PDS5A: variants seen among roughly 807,000 people sequenced by gnomAD.
The protein encoded by PDS5A is PDS5 cohesin associated factor A.
Under a neutral mutation model 167.1 loss-of-function variants are expected in PDS5A, and 42 were observed. The observed-to-expected ratio is 0.25, with a 90% CI of 0.20 to 0.33. The LOEUF is 0.33. PDS5A is among the 10% of genes least tolerant of loss of function. The pLI, the probability that PDS5A is intolerant of heterozygous loss-of-function variation, is 1.00. For synonymous variants in PDS5A, 553 were observed against 554.6 expected (o/e 1.00, Z 0.04); for missense variants, 1,033 against 1,605.9 (o/e 0.64, Z 6.10).
intron 18 of PDS5A, 91 bp downstream of exon 18, chr4:39,879,637 T>G (rs1351780882): frequency 6.1e-6 from 4 of 652,964 alleles, no homozygotes; most frequent in African/African-American, 5.3e-5. Context: ...AATAGTTTCC[T>G]GTGAAATAAG....
At chr4:39,922,225 T>A (rs1448125402) in intron 6 of PDS5A, among the ~76,000 whole-genome samples, 1 of 152,148 alleles carries the variant, frequency 6.6e-6, no homozygotes, top group African/African-American at 2.4e-5. Flanking sequence ...TGAGAGTACC[T>A]AAGAAAAAGG....
rs774890672 is a variant in PDS5A, at chr4:39,890,352, G to A, written c.1783C>T (p.Arg595Trp). ...QADICVREIA[R>W]KLANPKQPTN... ...GGTTGCTTAGGATTTGCAAGTTTCCGGGCTATTTCTCTCTATAGAAAGAAA... is the reference window on the plus strand; with the variant it reads ...GGTTGCTTAGGATTTGCAAGTTTCCAGGCTATTTCTCTCTATAGAAAGAAA... The change falls in exon 17 of 33, where the codon CGG (arginine) becomes TGG (tryptophan). Residue 595 changes from arginine (R) to tryptophan (W), a missense_variant. Around this residue, in one of 4 missense-constraint regions of PDS5A, gnomAD observed 367 missense variants for 686.7 expected, o/e 0.53. Coordinates refer to ENST00000303538, the MANE Select transcript of PDS5A (RefSeq NM_001100399.2). The A allele has an allele frequency of 4.5e-6, 7 of 1,562,246 alleles. No homozygotes were observed. Among genetic ancestry groups the A allele is most frequent in the Admixed American group, 3.7e-5 (2 of 54,312 alleles).
At chr4:39,973,099 A>C in intron 2 of PDS5A, 1 of 759,316 alleles carries the variant, frequency 1.3e-6, no homozygotes, top group South Asian at 1.5e-5. Context: ...GGTGAAGCAC[A>C]AGTTTCTTTT....
At chr4:39,934,987 T>C (rs949833842) in intron 2 of PDS5A, among the ~76,000 whole-genome samples, 4 of 152,210 alleles carry the variant, frequency 2.6e-5, no homozygotes, top group East Asian at 1.9e-4. Flanking sequence ...TTTAACAGCA[T>C]AGAAAAATTT....
intron 26 of PDS5A, among the ~76,000 whole-genome samples, chr4:39,851,575 AC>A (rs1479327825): frequency 6.6e-6 from 1 of 152,224 alleles, no homozygotes; most frequent in Admixed American, 6.5e-5. Flanking sequence ...GGCGTAAGCT[AC>A]CACTCCTGGC....
intron 32 of PDS5A, among the ~76,000 whole-genome samples, chr4:39,826,022 G>A (rs528571534): frequency 1.1e-4 from 16 of 152,192 alleles, no homozygotes; most frequent in African/African-American, 3.9e-4. Context: ...TGTTTTCAAT[G>A]ACTTAGTGCT....
chr4:39,860,942 T>G (rs890492639), intron 26 of PDS5A, among the ~76,000 whole-genome samples: 1 of 151,742 alleles, frequency 6.6e-6, no homozygotes, highest in Admixed American at 6.6e-5. Context: ...TGGTGGCACA[T>G]GTAGTCCCAG....
At chr4:39,931,797 T>C (rs576702221) in intron 2 of PDS5A, among the ~76,000 whole-genome samples, 1 of 152,226 alleles carries the variant, frequency 6.6e-6, no homozygotes, top group African/African-American at 2.4e-5. Flanking sequence ...ATAAGGATCA[T>C]TCAGAGCTAT....
At chr4:39,965,720 A>G (rs949863582) in intron 2 of PDS5A, among the ~76,000 whole-genome samples, 6 of 152,144 alleles carry the variant, frequency 3.9e-5, no homozygotes, top group African/African-American at 1.2e-4. Flanking sequence ...GCTAAGATCA[A>G]GTGGAGAGTA....
chr4:39,910,911 T>C lies in PDS5A; in HGVS notation c.993-573A>G, dbSNP rs371142452. ...TACTCAGGAAGCTGAGGTGGGTGGA[T>C]TGCTTGCACTCAGGAGTTCAAGATC... On this transcript the variant is annotated intron_variant, in intron 9 of 32. Coordinates refer to ENST00000303538, the MANE Select transcript of PDS5A (RefSeq NM_001100399.2). Among the ~76,000 whole-genome samples the C allele has an allele frequency of 3.3e-5, 5 of 152,174 alleles. No homozygotes were observed. The East Asian group carries it at 7.7e-4, about 24-fold the overall frequency.
chr4:39,840,730 T>A (rs1716923712), intron 31 of PDS5A, among the ~76,000 whole-genome samples: 1 of 151,944 alleles, frequency 6.6e-6, no homozygotes, highest in Non-Finnish European at 1.5e-5. Flanking sequence ...GGCAAGTAAT[T>A]TTTGCACTTT....
intron 32 of PDS5A, 21 bp from the exon 33 acceptor site, chr4:39,825,509 G>A (rs757736885): frequency 7.1e-6 from 11 of 1,554,486 alleles, no homozygotes; most frequent in South Asian, 2.4e-5. Context: ...AGAATAGAAC[G>A]CAAAGTTAGA....
At chr4:39,869,234 G>C (rs1225370524) in intron 22 of PDS5A, among the ~76,000 whole-genome samples, 160 bp downstream of exon 22, 1 of 152,216 alleles carries the variant, frequency 6.6e-6, no homozygotes, top group Non-Finnish European at 1.5e-5. Flanking sequence ...ACTTTGGGAG[G>C]CTGAAGTGGG....
At chr4:39,927,804 C>G (rs1426912723) in intron 3 of PDS5A, among the ~76,000 whole-genome samples, 157 bp downstream of exon 3, 3 of 152,084 alleles carry the variant, frequency 2.0e-5, no homozygotes, top group African/African-American at 4.8e-5. Flanking sequence ...TGTGGAAATA[C>G]TAACTGAATG....
At chr4:39,877,219 T>C in intron 18 of PDS5A, 66 bp from the exon 19 acceptor site, 1 of 1,021,976 alleles carries the variant, frequency 9.8e-7, no homozygotes, top group Non-Finnish European at 1.4e-6. Context: ...AAGAATTACT[T>C]CCCGCAAAAG....
At chr4:39,939,666 C>G (rs534288548) in intron 2 of PDS5A, among the ~76,000 whole-genome samples, 2 of 151,742 alleles carry the variant, frequency 1.3e-5, no homozygotes, top group Non-Finnish European at 2.9e-5. Flanking sequence ...TGGTGGCACA[C>G]GCCTGTAGAA....
At chr4:39,844,543 T>G in intron 30 of PDS5A, 113 bp downstream of exon 30, 1 of 734,414 alleles carries the variant, frequency 1.4e-6, no homozygotes, top group East Asian at 2.7e-5. Context: ...AATATTATTT[T>G]GTACCAGAAC....
At chr4:39,907,155 G>T (rs1254246333) in intron 11 of PDS5A, among the ~76,000 whole-genome samples, 1 of 152,104 alleles carries the variant, frequency 6.6e-6, no homozygotes, top group Non-Finnish European at 1.5e-5. Context: ...TTTAAATGGG[G>T]GAAGGGAGGA....
chr4:39,882,578 T>C (rs1200119391), intron 17 of PDS5A, among the ~76,000 whole-genome samples: 1 of 152,252 alleles, frequency 6.6e-6, no homozygotes, highest in African/African-American at 2.4e-5. Flanking sequence ...ATACATGTGA[T>C]AGGTTCCATG....
Sources: allele counts gnomAD v4.1 joint callset (sites outside exome capture counted in the v4.1 genomes callset), GRCh38; gene constraint gnomAD v4.1.1; regional missense constraint gnomAD v4.1.1; transcripts MANE v1.5; gene names NCBI Gene and HGNC (gene_info 2026-07-23, HGNC 2026-07-21).